The following EML1 variants were observed in gnomAD, a reference collection of about 807,000 sequenced individuals.
The protein encoded by EML1 is echinoderm microtubule-associated protein-like 1.
A neutral mutation model predicts 110.4 loss-of-function variants in EML1; 27 were observed. The ratio of observed to expected loss-of-function variants is 0.24; its 90% CI spans 0.18 to 0.34. The LOEUF (loss-of-function observed/expected upper bound fraction) is 0.34. Among genes scored for constraint, EML1 ranks in the 10% least tolerant of loss-of-function variants. EML1 has a pLI of 1.00. For missense variants in EML1, 741 were observed against 1,030.9 expected, an observed-to-expected ratio of 0.72 and a Z score of 3.85; for synonymous variants, 344 against 385.8, an observed-to-expected ratio of 0.89 and a Z score of 1.27.
chr14:99,763,530 G>A (rs527965038), intron 1 of EML1, among the ~76,000 whole-genome samples: 2 of 152,264 alleles, frequency 1.3e-5, no homozygotes, highest in Non-Finnish European at 2.9e-5. Flanking sequence ...ACAGGCTGAA[G>A]CTCACAGGCA....
chr14:99,874,949 T>G (rs1479432119), intron 3 of EML1: 1 of 1,613,670 alleles, frequency 6.2e-7, no homozygotes, highest in Non-Finnish European at 8.5e-7. Context: ...GATCTGTGAG[T>G]CTTCTCAATG....
intron 1 of EML1, among the ~76,000 whole-genome samples, chr14:99,813,452 C>T (rs577315090): frequency 1.3e-5 from 2 of 152,098 alleles, no homozygotes; most frequent in South Asian, 2.1e-4. Flanking sequence ...TGGTGGCTCA[C>T]GCCTGTAATC....
Position 99,878,493 on chromosome 14 carries a change from A to G in EML1, c.392A>G (p.Lys131Arg). ...TAVPATKSNI[K>R]RTSSSERVSP... is the part of the protein sequence containing the mutation. ...TTCCATTCCACCCTTAGTAACATCAAGAGGACCAGCTCTTCTGAACGAGTG... is the reference window on the plus strand; with the variant it reads ...TTCCATTCCACCCTTAGTAACATCAGGAGGACCAGCTCTTCTGAACGAGTG... The change falls in exon 4 of 22, where the codon AAG (lysine) becomes AGG (arginine). Residue 131 changes from lysine to arginine, a missense_variant. Transcript: ENST00000262233. The G allele has an allele frequency of 1.2e-6, 2 of 1,611,748 alleles. No homozygotes were observed. The highest frequency in any genetic ancestry group is 1.7e-6 in the Non-Finnish European group (2 of 1,179,362).
At chr14:99,919,586 C>T (rs1165253971) in intron 16 of EML1, among the ~76,000 whole-genome samples, 2 of 152,084 alleles carry the variant, frequency 1.3e-5, no homozygotes, top group Non-Finnish European at 2.9e-5. Context: ...GTGTGTAGGA[C>T]ACGGTGACAG....
chr14:99,833,725 A>G (rs1363095037), intron 1 of EML1, among the ~76,000 whole-genome samples: 3 of 152,176 alleles, frequency 2.0e-5, no homozygotes, highest in Non-Finnish European at 4.4e-5. Flanking sequence ...CAGATGTTGA[A>G]CATCTTTTGC....
In EML1 at chr14:99,932,646, T is replaced by TAAA. The variant is rs10681463; in HGVS notation, c.1910-3368_1910-3366dup. On this transcript the variant is annotated intron_variant, in intron 17 of 21. Coordinates refer to ENST00000262233, the MANE Select transcript of EML1 (RefSeq NM_004434.3). ...TGGGCAACAGAGCAAGACTCCATCT[T>TAAA]AAAAAAAAAAAAAAAAAGATATGGC... 7.3e-3 allele frequency among the ~76,000 whole-genome samples: 982 copies of TAAA among 134,326 alleles called. 18 individuals carry two copies. The highest frequency in any genetic ancestry group is 0.039 in the South Asian group (157 of 4,062). The allele number at this position is 134,326 out of a possible 152,430, so 88.1% of individuals were successfully genotyped here.
At chr14:99,846,073 AAAAG>A (rs2058703142) in intron 1 of EML1, among the ~76,000 whole-genome samples, 3 of 151,110 alleles carry the variant, frequency 2.0e-5, no homozygotes, top group Admixed American at 1.3e-4. Context: ...AAAGAAAAGA[AAAAG>A]AAAAAAGAAA....
chr14:99,824,954 A>T (rs540462278), intron 1 of EML1, among the ~76,000 whole-genome samples: 1 of 152,138 alleles, frequency 6.6e-6, no homozygotes, highest in Non-Finnish European at 1.5e-5. Flanking sequence ...ACATGATTTC[A>T]TTCTTTTTTA....
chr14:99,893,471 T>G (rs917180722), intron 5 of EML1, among the ~76,000 whole-genome samples: 15 of 152,162 alleles, frequency 9.9e-5, no homozygotes, highest in African/African-American at 3.6e-4. Context: ...AACGTCAGCC[T>G]TAATACGCAG....
intron 1 of EML1, among the ~76,000 whole-genome samples, chr14:99,759,621 G>A (rs72708340): frequency 0.25 from 37,443 of 152,026 alleles, 5,042 homozygotes; most frequent in Non-Finnish European, 0.31. Flanking sequence ...CCGTCCTACA[G>A]TCCAGGCCTT....
chr14:99,772,374 T>C (rs778995806), upstream of EML1, among the ~76,000 whole-genome samples: 5 of 152,234 alleles, frequency 3.3e-5, no homozygotes, highest in Non-Finnish European at 7.3e-5. Flanking sequence ...TTTCTCCCCA[T>C]TCTCTAATAA....
At position 99,850,967 on chromosome 14, in the gene EML1, A is replaced by G. The variant is rs2058786702; in HGVS notation, c.182A>G (p.Asp61Gly). ...DIQLLKSALA[D>G]VVRRLNITEE... Reference sequence around the variant, plus strand: ...CAGCTGCTCAAATCAGCTCTAGCTGATGTGGTTCGGCGGCTGAACATTACT... The same window carrying G: ...CAGCTGCTCAAATCAGCTCTAGCTGGTGTGGTTCGGCGGCTGAACATTACT... The change falls in exon 2 of 22, where the codon GAT becomes GGT. Residue 61 changes from aspartate (D) to glycine (G), a missense_variant. Transcript: ENST00000262233. 1 of 1,614,166 alleles carries G rather than the reference A, an allele frequency of 6.2e-7. No individual in the cohort carries two copies. The highest frequency in any genetic ancestry group is 8.5e-7 in the Non-Finnish European group (1 of 1,180,032).
In EML1 at chr14:99,826,998, C is replaced by T. The variant is rs572008737; in HGVS notation, c.68-23855C>T. Among the ~76,000 whole-genome samples, 7 of 152,246 alleles carry T rather than the reference C, an allele frequency of 4.6e-5. 1 individual carries two copies. The highest frequency in any genetic ancestry group is 2.1e-4 in the South Asian group (1 of 4,818). On this transcript the variant is annotated intron_variant, in intron 1 of 21. Coordinates refer to ENST00000262233, the MANE Select transcript of EML1 (RefSeq NM_004434.3). Reference sequence around the variant, plus strand: ...CCATTAATTTTTTTCATTCATTCAGCGCCAGATTTTGTACACGTACTAAGT... The same window carrying T: ...CCATTAATTTTTTTCATTCATTCAGTGCCAGATTTTGTACACGTACTAAGT...
At position 99,897,281 on chromosome 14, in the gene EML1, G is replaced by A. The variant is rs746895186; in HGVS notation, c.814G>A (p.Asp272Asn). 2 of 1,609,590 alleles carry A rather than the reference G, an allele frequency of 1.2e-6. No individual in the cohort carries two copies. The highest frequency in any genetic ancestry group is 1.7e-6 in the Non-Finnish European group (2 of 1,178,226). The change falls in exon 7 of 22, where the codon GAT becomes AAT. Residue 272 changes from aspartate (D) to asparagine (N), a missense_variant. Physicochemically the swap from Asp to Asn is conservative, Grantham distance 23 (BLOSUM62 1). This residue lies in a region of EML1 where 388 missense variants were observed against 605.6 expected (regional missense o/e 0.64). Coordinates refer to ENST00000262233, the MANE Select transcript of EML1 (RefSeq NM_004434.3). ...QLQRHYAGHNDDVKCLAVHPD... is the reference protein window; with the variant it reads ...QLQRHYAGHNNDVKCLAVHPD... ...GCAGAGGCATTACGCTGGCCACAAC[G>A]ATGACGTGAAGTGGTAAGTCCTGAA...
chr14:99,810,430 T>G (rs1466676071), intron 1 of EML1, among the ~76,000 whole-genome samples: 1 of 152,244 alleles, frequency 6.6e-6, no homozygotes, highest in Non-Finnish European at 1.5e-5. Flanking sequence ...AGTGTTTCAT[T>G]TCGTCCTCGC....
chr14:99,911,960 A>T (rs1289228525), intron 13 of EML1, among the ~76,000 whole-genome samples: 3 of 147,440 alleles, frequency 2.0e-5, no homozygotes. Flanking sequence ...CAGTGGTGTG[A>T]TCACAGTTTA....
chr14:99,935,936 G>A, intron 17 of EML1, 93 bp from the exon 18 acceptor site: 1 of 1,179,102 alleles, frequency 8.5e-7, no homozygotes, highest in Non-Finnish European at 1.2e-6. Flanking sequence ...TGGTGATTTT[G>A]TCTAAATCTG....
At chr14:99,768,673 A>C (rs2057391660), upstream of EML1, among the ~76,000 whole-genome samples, 1 of 151,120 alleles carries the variant, frequency 6.6e-6, no homozygotes, top group African/African-American at 2.4e-5. Context: ...GGAAAGGGGA[A>C]GGTAGAGATG....
At position 99,850,936 on chromosome 14, in the gene EML1, G is replaced by A. The variant is rs2058785975; in HGVS notation, c.151G>A (p.Asp51Asn). 3.7e-6 allele frequency: 6 copies of A among 1,614,054 alleles called. No individual in the cohort carries two copies. Among genetic ancestry groups the A allele is most frequent in the South Asian group, 3.3e-5 (3 of 91,084 alleles). Reference protein sequence around the residue: ...LEQRVQMQEDDIQLLKSALAD... With the variant: ...LEQRVQMQEDNIQLLKSALAD... ...GCAGAGAGTCCAGATGCAAGAAGAC[G>A]ACATCCAGCTGCTCAAATCAGCTCT... Residue 51 changes from aspartate (D) to asparagine (N), a missense_variant, in exon 2 of 22, where the codon GAC (aspartate) becomes AAC (asparagine). Physicochemically the swap from Asp to Asn is conservative, Grantham distance 23. Coordinates refer to ENST00000262233, the MANE Select transcript of EML1 (RefSeq NM_004434.3).
Sources: gnomAD v4.1 joint callset for allele counts (sites outside exome capture counted in the v4.1 genomes callset) on GRCh38, gnomAD v4.1.1 for gene constraint, gnomAD v4.1.1 regional missense constraint, MANE v1.5 for transcripts, NCBI Gene and HGNC (gene_info 2026-07-23, HGNC 2026-07-21) for gene names.